The following YTHDC2 variants were observed in gnomAD, a reference collection of about 807,000 sequenced individuals.
YTHDC2 encodes YTH N6-methyladenosine RNA binding protein C2, also known as 3'-5' RNA helicase YTHDC2.
YTHDC2 carries 45 observed loss-of-function variants against 174.9 expected under a neutral mutation model. The observed-to-expected ratio is 0.26, with a 90% CI of 0.20 to 0.33. The LOEUF (loss-of-function observed/expected upper bound fraction) is 0.33, where lower values mean the gene tolerates loss of function less well. Ranked by LOEUF, YTHDC2 falls within the 10% of genes least tolerant of loss-of-function variation. The probability of loss-of-function intolerance (pLI) is 1.00; values close to 1 mark genes in which losing one functional copy is unlikely to be tolerated. For synonymous variants in YTHDC2, 657 were observed against 574.5 expected, an observed-to-expected ratio of 1.14 and a Z score of -2.05; for missense variants, 1,650 against 1,723.7, an observed-to-expected ratio of 0.96 and a Z score of 0.76.
At chr5:113,527,571 C>T (rs576008231) in intron 4 of YTHDC2, among the ~76,000 whole-genome samples, 1 of 151,956 alleles carries the variant, frequency 6.6e-6, no homozygotes, top group Non-Finnish European at 1.5e-5. Flanking sequence ...CCTAAAATTT[C>T]CTGTGATTAT....
rs200458305 is a variant in YTHDC2 at position 113,566,526 on chromosome 5, AT to A, written c.2842+509del. Reference sequence around the variant, plus strand: ...TTGCCTTTTTGAGTAGCAAAAAAAAATTGATGTGGTAGTCAGAAGAATAGTA... The same window carrying A: ...TTGCCTTTTTGAGTAGCAAAAAAAAATGATGTGGTAGTCAGAAGAATAGTA... On this transcript the variant is annotated intron_variant, in intron 21 of 29. Coordinates refer to ENST00000161863, the MANE Select transcript of YTHDC2 (RefSeq NM_022828.5). Among the ~76,000 whole-genome samples, 1,249 of 151,202 alleles carry A rather than the reference AT, an allele frequency of 8.3e-3. 9 individuals carry two copies. Among genetic ancestry groups the A allele is most frequent in the Non-Finnish European group, 0.013 (914 of 67,834 alleles).
At chr5:113,540,923 A>G in intron 8 of YTHDC2, 45 bp from the exon 9 acceptor site, 1 of 1,557,392 alleles carries the variant, frequency 6.4e-7, no homozygotes, top group Non-Finnish European at 8.7e-7. Flanking sequence ...CATTTCAAAA[A>G]GGAAATGATT....
rs1035327701 is a variant in YTHDC2 at position 113,525,113 on chromosome 5, C to T, written c.411C>T (p.Thr137=). The T allele has an allele frequency of 1.2e-6, 2 of 1,611,400 alleles. No individual in the cohort carries two copies. Among genetic ancestry groups the T allele is most frequent in the African/African-American group, 2.7e-5 (2 of 74,736 alleles). Reference sequence around the variant, plus strand: ...GCCTAATTCAAAGATTTCCTGTCACCAATAAAGAGCGTACAGAACTTCTGC... The same window carrying T: ...GCCTAATTCAAAGATTTCCTGTCACTAATAAAGAGCGTACAGAACTTCTGC... ...VRSLIQRFPV[T]NKERTELLPK... is the part of the protein sequence containing the mutation. The change falls in exon 3 of 30, where the codon ACC becomes ACT. Residue 137 remains threonine (T), a synonymous_variant. Transcript: ENST00000161863.
chr5:113,590,587 C>CT (rs1267365403), intron 26 of YTHDC2, among the ~76,000 whole-genome samples: 1 of 152,198 alleles, frequency 6.6e-6, no homozygotes, highest in Non-Finnish European at 1.5e-5. Flanking sequence ...TCCTTTCTGT[C>CT]TAAGATAGTA....
intron 5 of YTHDC2, among the ~76,000 whole-genome samples, chr5:113,533,652 G>C (rs1774850599): frequency 6.6e-6 from 1 of 152,110 alleles, no homozygotes; most frequent in South Asian, 2.1e-4. Flanking sequence ...AAAGCATCTA[G>C]AGTACAGGTT....
At chr5:113,522,135 TTTTTTG>T (rs1773911203) in intron 2 of YTHDC2, among the ~76,000 whole-genome samples, 1 of 58,866 alleles carries the variant, frequency 1.7e-5, no homozygotes, top group Non-Finnish European at 4.4e-5. Flanking sequence ...GTTTTTTTTG[TTTTTTG>T]TTTTTTTTTT....
chr5:113,589,409 ATAT>A (rs1259086468), intron 26 of YTHDC2, among the ~76,000 whole-genome samples: 918 of 89,040 alleles, frequency 0.01, 20 homozygotes, highest in African/African-American at 0.035. Flanking sequence ...AAAAAAAAAA[ATAT>A]ATATATATAT....
At chr5:113,545,705 T>C (rs1775827418) in intron 10 of YTHDC2, among the ~76,000 whole-genome samples, 1 of 151,738 alleles carries the variant, frequency 6.6e-6, no homozygotes, top group East Asian at 1.9e-4. Context: ...CATTATTGAT[T>C]TTTTGAAAAA....
intron 26 of YTHDC2, among the ~76,000 whole-genome samples, chr5:113,586,956 A>G (rs1239100338): frequency 9.4e-5 from 7 of 74,076 alleles, no homozygotes; most frequent in Non-Finnish European, 1.6e-4. Context: ...TATATAATAT[A>G]TAAATATATA....
At chr5:113,553,896 A>C (rs1234529377) in intron 15 of YTHDC2, 42 bp downstream of exon 15, 1 of 1,583,690 alleles carries the variant, frequency 6.3e-7, no homozygotes, top group South Asian at 1.2e-5. Context: ...TTCATTAGTT[A>C]TTTTTTCTGT....
At chr5:113,563,738 TTA>T in intron 19 of YTHDC2, 119 bp from the exon 20 acceptor site, 1 of 1,170,324 alleles carries the variant, frequency 8.5e-7, no homozygotes, top group South Asian at 1.6e-5. Flanking sequence ...AAATATATTT[TTA>T]TGAGATGTAG....
At chr5:113,561,467 ATC>A (rs751411400) in intron 18 of YTHDC2, among the ~76,000 whole-genome samples, 181 of 134,918 alleles carry the variant, frequency 1.3e-3, no homozygotes, top group African/African-American at 5.1e-3. Flanking sequence ...CTATCTATCT[ATC>A]TATATTTTTT....
intron 5 of YTHDC2, 49 bp downstream of exon 5, chr5:113,533,094 CTATG>C (rs746243161): frequency 5.0e-6 from 8 of 1,588,040 alleles, no homozygotes; most frequent in Non-Finnish European, 6.0e-6. Flanking sequence ...TTAAAAAAGA[CTATG>C]TATATTTCAC....
Position 113,534,187 on chromosome 5 carries a change from C to T in YTHDC2, c.843-118C>T, listed in dbSNP as rs993954737. 71 of 740,706 alleles carry T rather than the reference C, an allele frequency of 9.6e-5. No individual in the cohort carries two copies. In the East Asian group the frequency reaches 9.6e-4, roughly 10 times the overall value. 45.9% of individuals were successfully genotyped at this position (740,706 alleles called of 1,614,324 possible). A position where few individuals can be genotyped will look rare whatever the true frequency, so the allele number is the denominator to read the frequency against. ...AGCTTTACTAATAAACTGTACATAC[C>T]GGTACACTATTAGTAATATTTATTA... On this transcript the variant is annotated intron_variant, in intron 5 of 29. Coordinates refer to ENST00000161863, the MANE Select transcript of YTHDC2 (RefSeq NM_022828.5).
At chr5:113,584,561 TAGAGTAC>T in intron 26 of YTHDC2, 82 bp downstream of exon 26, 2 of 1,221,370 alleles carry the variant, frequency 1.6e-6, no homozygotes, top group Non-Finnish European at 2.2e-6. Flanking sequence ...GTAAAACAAT[TAGAGTAC>T]TTTTCTAATT....
At chr5:113,542,610 T>A (rs894740668) in intron 10 of YTHDC2, 107 bp downstream of exon 10, 2 of 1,007,556 alleles carry the variant, frequency 2.0e-6, no homozygotes, top group Admixed American at 6.8e-5. Flanking sequence ...CCAAAAATTT[T>A]ATTTTTTAAA....
chr5:113,580,983 T>C (rs929608738), intron 24 of YTHDC2, among the ~76,000 whole-genome samples: 2 of 152,188 alleles, frequency 1.3e-5, no homozygotes, highest in Non-Finnish European at 2.9e-5. Flanking sequence ...TTTATCTCTA[T>C]GTGTATATTT....
intron 2 of YTHDC2, 150 bp from the exon 3 acceptor site, chr5:113,524,831 A>G (rs771567522): frequency 1.3e-4 from 74 of 565,874 alleles, no homozygotes; most frequent in Non-Finnish European, 1.9e-4. Flanking sequence ...ATCTTTCTTT[A>G]CTGAATTTTT....
At position 113,593,469 on chromosome 5, in the gene YTHDC2, C is replaced by T; in HGVS notation, c.*8-13C>T. On this transcript the variant is annotated splice_polypyrimidine_tract_variant and intron_variant, in intron 29 of 29. Transcript: ENST00000161863. Reference sequence around the variant, plus strand: ...TTCAGATTATTTATCTTTTTTTTTCCCCTTTCTTCTAGAACTCTTAGCTGT... The same window carrying T: ...TTCAGATTATTTATCTTTTTTTTTCTCCTTTCTTCTAGAACTCTTAGCTGT... The T allele has an allele frequency of 8.5e-7, 1 of 1,169,992 alleles. No homozygotes were observed. The highest frequency in any genetic ancestry group is 1.2e-6 in the Non-Finnish European group (1 of 817,604). 72.5% of individuals were successfully genotyped at this position (1,169,992 alleles called of 1,614,324 possible).
Sources: gnomAD v4.1 joint callset for allele counts (sites outside exome capture counted in the v4.1 genomes callset) on GRCh38, gnomAD v4.1.1 for gene constraint, MANE v1.5 for transcripts, NCBI Gene and HGNC (gene_info 2026-07-23, HGNC 2026-07-21) for gene names.